LRRC28: variants seen among roughly 807,000 people sequenced by gnomAD.
LRRC28 encodes leucine rich repeat containing 28, also known as leucine-rich repeat-containing protein 28.
LRRC28 carries 39 observed loss-of-function variants against 45.7 expected under a neutral mutation model. The ratio of observed to expected loss-of-function variants is 0.85; its 90% confidence interval spans 0.66 to 1.12. The LOEUF is 1.12. LRRC28 is among the 50% of genes most tolerant of loss of function. LRRC28 has a pLI of 0.00. For missense variants in LRRC28, 435 were observed against 438.5 expected (o/e 0.99, Z 0.07); for synonymous variants, 206 against 178.8 (o/e 1.15, Z -1.22).
intron 6 of LRRC28, among the ~76,000 whole-genome samples, chr15:99,346,431 A>T (rs2152309874): frequency 6.6e-6 from 1 of 152,334 alleles, no homozygotes; most frequent in South Asian, 2.1e-4. Context: ...TTGTTTTATG[A>T]TAAATTACAT....
At chr15:99,321,112 G>A (rs1379632348) in intron 5 of LRRC28, among the ~76,000 whole-genome samples, 1 of 152,002 alleles carries the variant, frequency 6.6e-6, no homozygotes, top group African/African-American at 2.4e-5. Flanking sequence ...TATAATTGAT[G>A]GTATCATATC....
At chr15:99,280,555 GT>G (rs2081757945) in intron 3 of LRRC28, among the ~76,000 whole-genome samples, 6 of 151,978 alleles carry the variant, frequency 3.9e-5, no homozygotes, top group Admixed American at 1.3e-4. Flanking sequence ...GGCGTGCATA[GT>G]TTCTGAAGAA....
Position 99,386,033 on chromosome 15 carries a change from G to A in LRRC28, c.1035G>A (p.Lys345=). The change falls in exon 10 of 10, where the codon AAG becomes AAA. Residue 345 remains lysine, a synonymous_variant. Transcript: ENST00000301981. ...CTCTCCCTTTTTCCCCTTCCAGGAA[G>A]ACAACTGTTAGTTTTGTGGCTTACT... ...ETPMAGLHQW[K]TTVSFVAYCC... is the part of the protein sequence containing the mutation. 6.2e-7 allele frequency: 1 copy of A among 1,613,974 alleles called. No individual in the cohort carries two copies.
intron 2 of LRRC28, among the ~76,000 whole-genome samples, chr15:99,274,355 C>T (rs533118559): frequency 1.2e-4 from 19 of 152,152 alleles, no homozygotes; most frequent in Non-Finnish European, 2.4e-4. Context: ...CAGTGATTTT[C>T]CATTGTGTTC....
chr15:99,322,324 G>A (rs1955827286), intron 5 of LRRC28, among the ~76,000 whole-genome samples: 1 of 152,120 alleles, frequency 6.6e-6, no homozygotes, highest in South Asian at 2.1e-4. Flanking sequence ...ACATTGGAGG[G>A]GGTGAGAATA....
chr15:99,317,879 A>G (rs940519604), intron 5 of LRRC28, among the ~76,000 whole-genome samples: 6 of 152,082 alleles, frequency 3.9e-5, no homozygotes, highest in Non-Finnish European at 8.8e-5. Flanking sequence ...CTGTTTTGTT[A>G]CTTCCTTCCT....
chr15:99,374,903 G>A (rs375475486), intron 9 of LRRC28, among the ~76,000 whole-genome samples: 9 of 151,666 alleles, frequency 5.9e-5, no homozygotes, highest in African/African-American at 1.7e-4. Flanking sequence ...TCCTGACCTC[G>A]TGATCTGCTC....
intron 5 of LRRC28, among the ~76,000 whole-genome samples, chr15:99,314,953 C>T (rs1366131053): frequency 6.6e-6 from 1 of 152,120 alleles, no homozygotes; most frequent in Non-Finnish European, 1.5e-5. Flanking sequence ...GTAGCTTTCT[C>T]TGAAAGCAAT....
intron 5 of LRRC28, among the ~76,000 whole-genome samples, chr15:99,301,303 CTT>C (rs1363660006): frequency 6.6e-6 from 1 of 152,132 alleles, no homozygotes; most frequent in Non-Finnish European, 1.5e-5. Context: ...TTTTGAGACT[CTT>C]AATAAAATCA....
chr15:99,273,322 T>C (rs957020053), intron 2 of LRRC28, among the ~76,000 whole-genome samples: 64 of 152,072 alleles, frequency 4.2e-4, no homozygotes, highest in South Asian at 1.0e-3. Flanking sequence ...CTGCAAGCTC[T>C]GCCTCCCGGG....
At chr15:99,325,411 T>A (rs535260768) in intron 5 of LRRC28, among the ~76,000 whole-genome samples, 6 of 152,336 alleles carry the variant, frequency 3.9e-5, no homozygotes, top group East Asian at 3.9e-4. Flanking sequence ...TTCTTGATGC[T>A]TTTTGTTTGT....
intron 6 of LRRC28, among the ~76,000 whole-genome samples, chr15:99,340,039 A>G (rs1272551714): frequency 6.6e-6 from 1 of 152,274 alleles, no homozygotes; most frequent in Non-Finnish European, 1.5e-5. Context: ...AATTGTTTAT[A>G]GAAGAATTTT....
At chr15:99,305,123 G>A (rs1478864822) in intron 5 of LRRC28, among the ~76,000 whole-genome samples, 4 of 152,158 alleles carry the variant, frequency 2.6e-5, no homozygotes, top group African/African-American at 9.7e-5. Context: ...GGTGCCTTTT[G>A]CTGTGCTCTA....
chr15:99,321,045 T>C (rs957282658), intron 5 of LRRC28, among the ~76,000 whole-genome samples: 2 of 152,056 alleles, frequency 1.3e-5, no homozygotes, highest in Non-Finnish European at 2.9e-5. Context: ...TGTTTAAACA[T>C]GAAAAAAATG....
At chr15:99,267,019 A>C (rs992879550) in intron 2 of LRRC28, among the ~76,000 whole-genome samples, 2 of 152,194 alleles carry the variant, frequency 1.3e-5, no homozygotes, top group African/African-American at 2.4e-5. Flanking sequence ...GGAAAACTCT[A>C]CTAGTAAGTT....
At chr15:99,269,419 T>C (rs867454329) in intron 2 of LRRC28, among the ~76,000 whole-genome samples, 1 of 152,198 alleles carries the variant, frequency 6.6e-6, no homozygotes, top group South Asian at 2.1e-4. Flanking sequence ...GTTAACTTTT[T>C]TTTTTTTTGG....
intron 5 of LRRC28, among the ~76,000 whole-genome samples, chr15:99,294,909 C>T (rs184982509): frequency 1.8e-4 from 27 of 152,344 alleles, no homozygotes; most frequent in African/African-American, 5.3e-4. Flanking sequence ...CTCTTCAGGT[C>T]TGCAGGACTC....
chr15:99,324,132 T>G (rs1955891302), intron 5 of LRRC28, among the ~76,000 whole-genome samples: 1 of 152,154 alleles, frequency 6.6e-6, no homozygotes. Flanking sequence ...CAACCTTATA[T>G]CCACTACGTT....
chr15:99,258,046 G>T (rs2081077546), intron 2 of LRRC28: 2 of 1,327,584 alleles, frequency 1.5e-6, no homozygotes, highest in Non-Finnish European at 2.2e-6. Flanking sequence ...ATAAGGTGAA[G>T]AACCTACTGC....
Sources: allele counts gnomAD v4.1 joint callset (sites outside exome capture counted in the v4.1 genomes callset), GRCh38; gene constraint gnomAD v4.1.1; transcripts MANE v1.5; gene names NCBI Gene and HGNC (gene_info 2026-07-23, HGNC 2026-07-21).